HLA-DOA: variants seen among roughly 807,000 people sequenced by gnomAD.
HLA-DOA encodes the protein major histocompatibility complex, class II, DO alpha, also known as HLA class II histocompatibility antigen, DO alpha chain.
Under a neutral mutation model 22.9 loss-of-function variants are expected in HLA-DOA, and 27 were observed. That is an observed-to-expected ratio of 1.18 (90% CI 0.87 to 1.62). The LOEUF (loss-of-function observed/expected upper bound fraction) is 1.62. Among genes scored for constraint, HLA-DOA ranks in the 40% most tolerant of loss-of-function variants. HLA-DOA has a pLI of 0.00. For missense variants in HLA-DOA, 324 were observed against 332.4 expected (o/e 0.97, Z 0.20); for synonymous variants, 137 against 138.6 (o/e 0.99, Z 0.08).
At position 33,006,525 on chromosome 6, in the gene HLA-DOA, CT is replaced by C; in HGVS notation, c.*312del. Reference sequence around the variant, plus strand: ...ATCCCCAGCACCACATGCCTCACCCCTGGAAGAACTGGCCAAGGCCTGGAAA... The same window carrying C: ...ATCCCCAGCACCACATGCCTCACCCCGGAAGAACTGGCCAAGGCCTGGAAA... On this transcript the variant is annotated 3_prime_UTR_variant, in exon 5 of 5. Coordinates refer to ENST00000229829, the MANE Select transcript of HLA-DOA (RefSeq NM_002119.4). 1 of 556,452 alleles carries C rather than the reference CT, an allele frequency of 1.8e-6. No individual in the cohort carries two copies. Among genetic ancestry groups the C allele is most frequent in the South Asian group, 2.2e-5 (1 of 46,184 alleles). The allele number at this position is 556,452 out of a possible 1,614,324, so 34.5% of individuals were successfully genotyped here.
rs1183646898 is a variant in HLA-DOA, at chr6:33,007,401, G to A, written c.523C>T (p.His175Tyr). 2 of 1,604,722 alleles carry A rather than the reference G, an allele frequency of 1.2e-6. No homozygotes were observed. Among genetic ancestry groups the A allele is most frequent in the Non-Finnish European group, 1.7e-6 (2 of 1,174,994 alleles). The change falls in exon 3 of 5, where the codon CAC becomes TAC. Residue 175 changes from histidine (H) to tyrosine (Y), a missense_variant. Physicochemically the swap from His to Tyr is moderately conservative, Grantham distance 83. Transcript: ENST00000229829. Reference protein sequence around the residue: ...SQPDHLFRKFHYLPFVPSAED... With the variant: ...SQPDHLFRKFYYLPFVPSAED... ...GCTGAGGGCACGAAGGGCAGGTAGT[G>A]GAACTTGCGGAACAAATGGTCAGGC...
intron 1 of HLA-DOA, chr6:33,008,462 A>T (rs568249760): frequency 7.3e-7 from 1 of 1,369,894 alleles, no homozygotes; most frequent in South Asian, 1.6e-5. Context: ...AGCACACTGC[A>T]GTCGGCACAG....
At chr6:33,007,640 G>C in intron 2 of HLA-DOA, 48 bp from the exon 3 acceptor site, 1 of 1,561,822 alleles carries the variant, frequency 6.4e-7, no homozygotes, top group Non-Finnish European at 8.7e-7. Context: ...TCACCCCAGG[G>C]CCTTACTAGG....
chr6:33,008,273 G>T lies in HLA-DOA; in HGVS notation c.83-12C>A. ...GCCCATGTGGTCAGCTGTGTTTGGCGAGTTCAGGGTCAAGGAGAGAGAAAA... is the reference window on the plus strand; with the variant it reads ...GCCCATGTGGTCAGCTGTGTTTGGCTAGTTCAGGGTCAAGGAGAGAGAAAA... On this transcript the variant is annotated splice_polypyrimidine_tract_variant and intron_variant, in intron 1 of 4. Transcript: ENST00000229829. 6.2e-7 allele frequency: 1 copy of T among 1,611,776 alleles called. No individual in the cohort carries two copies. The highest frequency in any genetic ancestry group is 1.1e-5 in the South Asian group (1 of 90,914).
chr6:33,007,510 G>C lies in HLA-DOA; in HGVS notation c.414C>G (p.Ile138Met), dbSNP rs1344023866. The C allele has an allele frequency of 1.2e-6, 2 of 1,613,046 alleles. No homozygotes were observed. The highest frequency in any genetic ancestry group is 1.7e-6 in the Non-Finnish European group (2 of 1,180,010). Reference protein sequence around the residue: ...PNILICIVDNIFPPVINITWL... With the variant: ...PNILICIVDNMFPPVINITWL... The stretch of plus-strand genomic sequence containing the variant: ...AGGTGATATTGATCACAGGGGGGAA[G>C]ATGTTGTCCACGATGCAGATGAGGA... Residue 138 changes from isoleucine (I) to methionine (M), a missense_variant, in exon 3 of 5, where the codon ATC becomes ATG. Physicochemically the swap from Ile to Met is conservative, Grantham distance 10 (BLOSUM62 1). Transcript: ENST00000229829.
chr6:33,005,263 G>A lies in HLA-DOA; in HGVS notation c.*1575C>T, dbSNP rs1293243606. The A allele has an allele frequency of 6.6e-6, 1 of 152,346 alleles. No homozygotes were observed. The highest frequency in any genetic ancestry group is 1.5e-5 in the Non-Finnish European group (1 of 68,130). 9.4% of individuals were successfully genotyped at this position (152,346 alleles called of 1,614,324 possible). ...TAATTCCAGTACTTTGGGAGGGAAG[G>A]TGGGTGGATCACGAGGTCAAGAGAT... On this transcript the variant is annotated 3_prime_UTR_variant, in exon 5 of 5. Coordinates refer to ENST00000229829, the MANE Select transcript of HLA-DOA (RefSeq NM_002119.4).
intron 4 of HLA-DOA, 39 bp downstream of exon 4, chr6:33,007,041 T>G (rs774267407): frequency 6.3e-7 from 1 of 1,585,750 alleles, no homozygotes; most frequent in African/African-American, 1.4e-5. Flanking sequence ...AGTCATCCAC[T>G]TTCCTCCCCC....
Position 33,008,011 on chromosome 6 carries a change from A to G in HLA-DOA, c.331+2T>C. The stretch of plus-strand genomic sequence containing the variant: ...CTGGGTGGGCAGAGGGAGGGCCGGT[A>G]CCGTTGATGGCTCTGCTGCGGTTGG... On this transcript the variant is annotated splice_donor_variant, in intron 2 of 4. Coordinates refer to ENST00000229829, the MANE Select transcript of HLA-DOA (RefSeq NM_002119.4). LOFTEE classifies it high-confidence loss of function. The G allele has an allele frequency of 6.2e-7, 1 of 1,610,296 alleles. No homozygotes were observed. Among genetic ancestry groups the G allele is most frequent in the Non-Finnish European group, 8.5e-7 (1 of 1,178,088 alleles).
In HLA-DOA at chr6:33,007,567, G is replaced by A; in HGVS notation, c.357C>T (p.Pro119=). 6.2e-7 allele frequency: 1 copy of A among 1,612,448 alleles called. No individual in the cohort carries two copies. The highest frequency in any genetic ancestry group is 8.5e-7 in the Non-Finnish European group (1 of 1,179,746). The change falls in exon 3 of 5, where the codon CCC becomes CCT. Residue 119 remains proline (P), a synonymous_variant. Transcript: ENST00000229829. ...GCTGGCCCAGCTCCACCCGAGACTT[G>A]GGGAGCACGGTCACCCGTGGAGGCA... ...INVPPRVTVL[P]KSRVELGQPN...
At chr6:33,008,612 T>A (rs754384798) in intron 1 of HLA-DOA, among the ~76,000 whole-genome samples, 11 of 152,092 alleles carry the variant, frequency 7.2e-5, no homozygotes, top group Non-Finnish European at 1.3e-4. Context: ...CTGGTGGGAC[T>A]GTGGGGGTGG....
At chr6:33,007,754 TG>T in intron 2 of HLA-DOA, 162 bp from the exon 3 acceptor site, 1 of 897,898 alleles carries the variant, frequency 1.1e-6, no homozygotes, top group Non-Finnish European at 1.7e-6. Flanking sequence ...GAGAGGAGAC[TG>T]GGGAGGGAGT....
intron 2 of HLA-DOA, 187 bp from the exon 3 acceptor site, chr6:33,007,779 G>T: frequency 1.2e-6 from 1 of 826,176 alleles, no homozygotes. Context: ...GACGCCAGGA[G>T]CTCCTATATT....
At position 33,006,065 on chromosome 6, in the gene HLA-DOA, T is replaced by A. The variant is rs1253858666; in HGVS notation, c.*773A>T. On this transcript the variant is annotated 3_prime_UTR_variant, in exon 5 of 5. Coordinates refer to ENST00000229829, the MANE Select transcript of HLA-DOA (RefSeq NM_002119.4). The stretch of plus-strand genomic sequence containing the variant: ...AATCTTCTAGGCCACATATTTAGAG[T>A]GTGTCTAGGTGGACCTCCCCTCTTA... 1 of 152,176 alleles carries A rather than the reference T, an allele frequency of 6.6e-6. No individual in the cohort carries two copies. The highest frequency in any genetic ancestry group is 1.5e-5 in the Non-Finnish European group (1 of 68,044). 9.4% of individuals were successfully genotyped at this position (152,176 alleles called of 1,614,324 possible).
chr6:33,007,982 C>T (rs752146442), intron 2 of HLA-DOA, 31 bp downstream of exon 2: 4 of 1,597,758 alleles, frequency 2.5e-6, no homozygotes, highest in Non-Finnish European at 3.4e-6. Flanking sequence ...ACCTTCCCGC[C>T]TGACTGGGTG....
At position 33,009,282 on chromosome 6, in the gene HLA-DOA, T is replaced by TTAGG. The variant is rs1286786798; in HGVS notation, c.82+169_82+172dup. On this transcript the variant is annotated intron_variant, in intron 1 of 4. Transcript: ENST00000229829. The surrounding 1 kb of genome is among the most constrained non-coding windows in gnomAD (Gnocchi z 4.8). ...GCAGCTGACCGAGCTGCATCTTCAT[T>TTAGG]TAGGTCCAGAGTGGATGTGACAGAG... 1.3e-5 allele frequency among the ~76,000 whole-genome samples: 2 copies of TTAGG among 151,898 alleles called. No homozygotes were observed. Among genetic ancestry groups the TTAGG allele is most frequent in the Non-Finnish European group, 2.9e-5 (2 of 67,970 alleles).
At position 33,009,464 on chromosome 6, in the gene HLA-DOA, C is replaced by T; in HGVS notation, c.73G>A (p.Ala25Thr). 1.2e-6 allele frequency: 2 copies of T among 1,600,488 alleles called. No homozygotes were observed. Among genetic ancestry groups the T allele is most frequent in the Non-Finnish European group, 1.7e-6 (2 of 1,175,560 alleles). Residue 25 changes from alanine to threonine, a missense_variant, in exon 1 of 5, where the codon GCC (alanine) becomes ACC (threonine). Physicochemically the swap from Ala to Thr is moderately conservative, Grantham distance 58 (BLOSUM62 0). Coordinates refer to ENST00000229829, the MANE Select transcript of HLA-DOA (RefSeq NM_002119.4). The surrounding 1 kb of genome is among the most constrained non-coding windows in gnomAD (Gnocchi z 4.8). ...TCGCCCTCGCACTCACCCTTGGTGGCCCCTGCCTCCTGCGGGCTCAGGAGG... is the reference window on the plus strand; with the variant it reads ...TCGCCCTCGCACTCACCCTTGGTGGTCCCTGCCTCCTGCGGGCTCAGGAGG... ...MTLLSPQEAG[A>T]TKADHMGSYG... is the part of the protein sequence containing the mutation.
chr6:33,005,872 C>A lies in HLA-DOA; in HGVS notation c.*966G>T, dbSNP rs1204366878. ...CTGGGATTACAGGAATGAGCCACTG[C>A]ACCAGGCCAATGCCTGTACTTTTAA... On this transcript the variant is annotated 3_prime_UTR_variant, in exon 5 of 5. Transcript: ENST00000229829. 6.6e-6 allele frequency: 1 copy of A among 152,322 alleles called. No homozygotes were observed. The highest frequency in any genetic ancestry group is 1.5e-5 in the Non-Finnish European group (1 of 68,116). The allele number at this position is 152,322 out of a possible 1,614,324, so 9.4% of individuals were successfully genotyped here.
At position 33,009,436 on chromosome 6, in the gene HLA-DOA, T is replaced by TCCTCGC; in HGVS notation, c.82+13_82+18dup. ...TAAATCTCTGCTCCCCGCCGCACCC[T>TCCTCGC]CCTCGCCCTCGCACTCACCCTTGGT... On this transcript the variant is annotated intron_variant, in intron 1 of 4. Coordinates refer to ENST00000229829, the MANE Select transcript of HLA-DOA (RefSeq NM_002119.4). This position sits in a 1 kb window ranked among gnomAD's most constrained non-coding sequence, Gnocchi z 4.8. 1 of 1,559,192 alleles carries TCCTCGC rather than the reference T, an allele frequency of 6.4e-7. No homozygotes were observed. Among genetic ancestry groups the TCCTCGC allele is most frequent in the Non-Finnish European group, 8.7e-7 (1 of 1,152,262 alleles).
rs41270506 is a variant in HLA-DOA at position 33,008,370 on chromosome 6, T to C, written c.83-109A>G. Reference sequence around the variant, plus strand: ...CCTGGGCCCCGTCCTGGGTTCTGTGTGGGGACAGAGTCCTGTTCTGACACT... The same window carrying C: ...CCTGGGCCCCGTCCTGGGTTCTGTGCGGGGACAGAGTCCTGTTCTGACACT... On this transcript the variant is annotated intron_variant, in intron 1 of 4. Coordinates refer to ENST00000229829, the MANE Select transcript of HLA-DOA (RefSeq NM_002119.4). The C allele has an allele frequency of 4.0e-6, 6 of 1,516,200 alleles. No homozygotes were observed. In the African/African-American group the frequency reaches 6.9e-5, roughly 17 times the overall value. The allele number at this position is 1,516,200 out of a possible 1,614,324, so 93.9% of individuals were successfully genotyped here. A position where few individuals can be genotyped will look rare whatever the true frequency, so the allele number is the denominator to read the frequency against.
Sources: gnomAD v4.1 joint callset for allele counts (sites outside exome capture counted in the v4.1 genomes callset) on GRCh38, gnomAD v4.1.1 for gene constraint, Gnocchi (gnomAD v3.1) non-coding constraint, MANE v1.5 for transcripts, NCBI Gene and HGNC (gene_info 2026-07-23, HGNC 2026-07-21) for gene names.